The following LMLN variants were observed in gnomAD, a reference collection of about 807,000 sequenced individuals.
LMLN encodes leishmanolysin like peptidase, also known as leishmanolysin-like peptidase.
In LMLN, 70 loss-of-function variants were observed where a neutral mutation model predicts 92.3. The observed-to-expected ratio is 0.76, with a 90% CI of 0.63 to 0.92. LMLN has a LOEUF of 0.92. Ranked by LOEUF, LMLN falls within the 40% of genes least tolerant of loss-of-function variation. LMLN has a pLI of 0.00. For synonymous variants in LMLN, 308 were observed against 296.2 expected (o/e 1.04, Z -0.41); for missense variants, 691 against 814.6 (o/e 0.85, Z 1.85).
chr3:198,001,790 C>G (rs571440282), intron 11 of LMLN, among the ~76,000 whole-genome samples: 1 of 152,034 alleles, frequency 6.6e-6, no homozygotes, highest in South Asian at 2.1e-4. Context: ...TTCTTATCTC[C>G]CCAACTTTCA....
intron 1 of LMLN, among the ~76,000 whole-genome samples, chr3:197,962,656 A>T (rs1297866659): frequency 6.6e-6 from 1 of 151,764 alleles, no homozygotes; most frequent in Non-Finnish European, 1.5e-5. Context: ...ATCTTTAAAT[A>T]CCCCCTAGGT....
intron 9 of LMLN, among the ~76,000 whole-genome samples, chr3:197,992,166 A>G (rs2109885666): frequency 6.6e-6 from 1 of 152,084 alleles, no homozygotes; most frequent in East Asian, 1.9e-4. Flanking sequence ...GTACATATAT[A>G]TAGATGTATA....
At chr3:197,989,303 A>G (rs1412417422) in intron 8 of LMLN, among the ~76,000 whole-genome samples, 1 of 152,188 alleles carries the variant, frequency 6.6e-6, no homozygotes, top group Non-Finnish European at 1.5e-5. Context: ...AAAGTTTAAG[A>G]AGTTGATTTC....
intron 11 of LMLN, among the ~76,000 whole-genome samples, chr3:198,011,580 A>G (rs1251451432): frequency 3.3e-5 from 5 of 150,988 alleles, no homozygotes; most frequent in Admixed American, 6.6e-5. Context: ...GCCGCAATAA[A>G]CATACGTGTG....
chr3:198,042,324 G>A lies in LMLN; in HGVS notation c.*3657G>A, dbSNP rs1488875551. 1 of 151,988 alleles carries A rather than the reference G, an allele frequency of 6.6e-6. No homozygotes were observed. Among genetic ancestry groups the A allele is most frequent in the Non-Finnish European group, 1.5e-5 (1 of 68,044 alleles). The allele number at this position is 151,988 out of a possible 1,614,324, so 9.4% of individuals were successfully genotyped here. On this transcript the variant is annotated 3_prime_UTR_variant, in exon 16 of 16. Coordinates refer to ENST00000330198, the Ensembl canonical transcript of LMLN. The surrounding 1 kb of genome is among the most constrained non-coding windows in gnomAD (Gnocchi z 4.2). Reference sequence around the variant, plus strand: ...AAGCAGATCACGAGATCAGGAGTTTGAGGTTACAGTGAGCTGATCGCACCA... The same window carrying A: ...AAGCAGATCACGAGATCAGGAGTTTAAGGTTACAGTGAGCTGATCGCACCA...
chr3:198,011,356 G>A (rs902076945), intron 11 of LMLN, among the ~76,000 whole-genome samples: 1 of 152,044 alleles, frequency 6.6e-6, no homozygotes, highest in Non-Finnish European at 1.5e-5. Context: ...TCCCACCTAT[G>A]AGTGAGAACA....
Position 198,019,650 on chromosome 3 carries a change from A to T in LMLN, c.1365+265A>T, listed in dbSNP as rs1226309134. Among the ~76,000 whole-genome samples the T allele has an allele frequency of 6.6e-6, 1 of 152,202 alleles. No individual in the cohort carries two copies. The highest frequency in any genetic ancestry group is 2.4e-5 in the African/African-American group (1 of 41,450). ...TGTTTTTACCTGTTTATGTTTTCTA[A>T]TTGTTTCCAAAGCCTTGCTATTTAA... On this transcript the variant is annotated intron_variant, in intron 12 of 15. Coordinates refer to ENST00000330198, the Ensembl canonical transcript of LMLN. This position sits in a 1 kb window ranked among gnomAD's most constrained non-coding sequence, Gnocchi z 5.5.
At chr3:198,034,984 C>T (rs1327191119) in intron 14 of LMLN, among the ~76,000 whole-genome samples, 5 of 152,088 alleles carry the variant, frequency 3.3e-5, no homozygotes, top group Non-Finnish European at 7.4e-5. Flanking sequence ...AACTTGAGTC[C>T]GGGAGTTCGA....
chr3:198,036,086 G>C (rs1723228189), intron 15 of LMLN, 43 bp downstream of exon 16: 2 of 1,523,256 alleles, frequency 1.3e-6, no homozygotes, highest in South Asian at 1.1e-5. Flanking sequence ...AAAAGTGAAG[G>C]AGGTGAACTT....
chr3:198,024,847 G>A lies in LMLN; in HGVS notation c.1656+59G>A. On this transcript the variant is annotated intron_variant, in intron 14 of 15. Coordinates refer to ENST00000330198, the Ensembl canonical transcript of LMLN. Reference sequence around the variant, plus strand: ...ATTATGTGATTTTATCTCTTTTATGGTTTTGTATTTTAAATTATATTTTCA... The same window carrying A: ...ATTATGTGATTTTATCTCTTTTATGATTTTGTATTTTAAATTATATTTTCA... 9 of 1,362,786 alleles carry A rather than the reference G, an allele frequency of 6.6e-6. No individual in the cohort carries two copies. In the South Asian group the frequency reaches 1.4e-4, roughly 21 times the overall value. The allele number at this position is 1,362,786 out of a possible 1,614,324, so 84.4% of individuals were successfully genotyped here.
intron 2 of LMLN, 51 bp from the exon 3 acceptor site, chr3:197,974,991 G>A (rs1212793295): frequency 8.3e-7 from 1 of 1,207,644 alleles, no homozygotes; most frequent in Non-Finnish European, 1.2e-6. Context: ...TTGATTACAT[G>A]TGCTATGCCT....
chr3:197,960,284 C>A (rs776269676), exon 1 of LMLN: 9 of 1,613,600 alleles, frequency 5.6e-6, no homozygotes. Context: ...GTTACTCGGG[C>A]TCAGGCCCGG....
chr3:197,975,505 GTGCACGCACACACATGCGCACA>G (rs1397291984), intron 3 of LMLN, among the ~76,000 whole-genome samples: 1 of 147,498 alleles, frequency 6.8e-6, no homozygotes, highest in African/African-American at 2.7e-5. Context: ...ACACGCGCAC[GTGCACGCACACACATGCGCACA>G]TGCACGCACA....
At chr3:198,033,104 A>G (rs1184007224) in intron 14 of LMLN, among the ~76,000 whole-genome samples, 1 of 152,156 alleles carries the variant, frequency 6.6e-6, no homozygotes, top group Non-Finnish European at 1.5e-5. Context: ...CTTAATTCCC[A>G]GAATTCCACA....
At chr3:198,018,702 C>T (rs964175165) in intron 11 of LMLN, among the ~76,000 whole-genome samples, 10 of 151,920 alleles carry the variant, frequency 6.6e-5, no homozygotes, top group African/African-American at 2.2e-4. Context: ...GTCAATAATT[C>T]GATTACAATT....
At chr3:197,996,188 A>T in exon 10 of LMLN, 1 of 1,567,136 alleles carries the variant, frequency 6.4e-7, no homozygotes, top group Non-Finnish European at 8.6e-7. Context: ...GAAGCACGAA[A>T]ACATTTTGAT....
chr3:198,038,924 G>A lies in LMLN; in HGVS notation c.*257G>A, dbSNP rs192960234. The A allele has an allele frequency of 3.5e-4, 87 of 251,742 alleles. 1 individual carries two copies. The highest frequency in any genetic ancestry group is 4.8e-4 in the Admixed American group (8 of 16,526). The allele number at this position is 251,742 out of a possible 1,614,324, so 15.6% of individuals were successfully genotyped here. A position where few individuals can be genotyped will look rare whatever the true frequency, so the allele number is the denominator to read the frequency against. On this transcript the variant is annotated 3_prime_UTR_variant, in exon 16 of 16. Transcript: ENST00000330198. ...ACCTCGTCAGCAACCCAACCACCTC[G>A]TCAGCAACCCAACCACCTCGTCAGC...
At chr3:198,010,247 G>A (rs1170163311) in intron 11 of LMLN, among the ~76,000 whole-genome samples, 6 of 152,022 alleles carry the variant, frequency 3.9e-5, no homozygotes, top group African/African-American at 9.7e-5. Flanking sequence ...TCCGCCTCCC[G>A]GGTTCAAACA....
At chr3:197,966,461 G>C (rs1721063408) in intron 1 of LMLN, among the ~76,000 whole-genome samples, 1 of 151,998 alleles carries the variant, frequency 6.6e-6, no homozygotes, top group Non-Finnish European at 1.5e-5. Flanking sequence ...GTCTTCCACT[G>C]TTAAAAATAT....
Sources: gnomAD v4.1 joint callset for allele counts (sites outside exome capture counted in the v4.1 genomes callset) on GRCh38, gnomAD v4.1.1 for gene constraint, Gnocchi (gnomAD v3.1) non-coding constraint, MANE v1.5 for transcripts, NCBI Gene and HGNC (gene_info 2026-07-23, HGNC 2026-07-21) for gene names.